Variants in ZFPM2 observed in about 807,000 individuals in gnomAD.
ZFPM2 encodes zinc finger protein, FOG family member 2, also known as zinc finger protein ZFPM2.
In ZFPM2, 20 loss-of-function variants were observed where a neutral mutation model predicts 98.6. That is an observed-to-expected ratio of 0.20 (90% CI 0.14 to 0.29). The LOEUF is 0.29. ZFPM2 is among the 10% of genes least tolerant of loss of function. ZFPM2 has a pLI of 1.00. For synonymous variants in ZFPM2, 518 were observed against 502.7 expected (o/e 1.03, Z -0.41); for missense variants, 1,310 against 1,388.6 (o/e 0.94, Z 0.90).
At chr8:105,741,599 T>A (rs1418913222) in intron 5 of ZFPM2, among the ~76,000 whole-genome samples, 1 of 152,002 alleles carries the variant, frequency 6.6e-6, no homozygotes, top group Non-Finnish European at 1.5e-5. Context: ...TGTGTTGATG[T>A]GGGAGTGGAA....
intron 4 of ZFPM2, among the ~76,000 whole-genome samples, chr8:105,611,400 T>C (rs1816304772): frequency 6.6e-6 from 1 of 152,204 alleles, no homozygotes; most frequent in Non-Finnish European, 1.5e-5. Flanking sequence ...TACTCAGAAC[T>C]GATCCACTAA....
At chr8:105,620,316 T>G (rs1816511968) in intron 4 of ZFPM2, among the ~76,000 whole-genome samples, 1 of 152,236 alleles carries the variant, frequency 6.6e-6, no homozygotes, top group Admixed American at 6.5e-5. Context: ...GTCTGTTGGC[T>G]GCATAAATGC....
At chr8:105,466,473 A>C (rs1002264799) in intron 3 of ZFPM2, among the ~76,000 whole-genome samples, 2 of 152,038 alleles carry the variant, frequency 1.3e-5, no homozygotes, top group African/African-American at 4.8e-5. Context: ...TGATATTCTA[A>C]AGCTGGTCTT....
intron 5 of ZFPM2, among the ~76,000 whole-genome samples, chr8:105,687,245 A>G (rs1236256447): frequency 2.0e-5 from 3 of 152,198 alleles, no homozygotes; most frequent in Non-Finnish European, 4.4e-5. Flanking sequence ...TCCCCAATGC[A>G]TAAGAAATAT....
intron 4 of ZFPM2, among the ~76,000 whole-genome samples, chr8:105,606,286 C>A (rs1397553055): frequency 6.6e-6 from 1 of 152,022 alleles, no homozygotes; most frequent in South Asian, 2.1e-4. Context: ...TCAGGTAACA[C>A]TTTTTTTCTA....
At chr8:105,389,545 C>G (rs1811068678) in intron 1 of ZFPM2, among the ~76,000 whole-genome samples, 1 of 152,116 alleles carries the variant, frequency 6.6e-6, no homozygotes, top group African/African-American at 2.4e-5. Context: ...AAATAACATT[C>G]TACTACATTG....
At chr8:105,378,900 G>C (rs972869094) in intron 1 of ZFPM2, among the ~76,000 whole-genome samples, 5 of 152,026 alleles carry the variant, frequency 3.3e-5, no homozygotes, top group Non-Finnish European at 5.9e-5. Context: ...AGATAGATAG[G>C]TCAGTCAATC....
At chr8:105,672,635 ATTG>A (rs1170432189) in intron 5 of ZFPM2, among the ~76,000 whole-genome samples, 12 of 152,220 alleles carry the variant, frequency 7.9e-5, no homozygotes, top group Middle Eastern at 3.4e-3. Context: ...CTTTACAATT[ATTG>A]TTGTTGTTTC....
At chr8:105,325,816 G>A (rs776497042) in intron 1 of ZFPM2, among the ~76,000 whole-genome samples, 1 of 151,774 alleles carries the variant, frequency 6.6e-6, no homozygotes, top group Non-Finnish European at 1.5e-5. Flanking sequence ...GAATTGTCTA[G>A]TCAGGATTAT....
chr8:105,361,934 T>C (rs2129765831), intron 1 of ZFPM2, among the ~76,000 whole-genome samples: 1 of 152,240 alleles, frequency 6.6e-6, no homozygotes, highest in Admixed American at 6.5e-5. Flanking sequence ...GTTTTTAGCC[T>C]AAGAACAACA....
chr8:105,625,539 A>G (rs1816635606), intron 4 of ZFPM2, among the ~76,000 whole-genome samples: 1 of 151,972 alleles, frequency 6.6e-6, no homozygotes, highest in Non-Finnish European at 1.5e-5. Context: ...GGTACTTAAC[A>G]TTAACTGGTC....
rs1233779517 is a variant in ZFPM2, at chr8:105,801,691, C to T, written c.1609C>T (p.Pro537Ser). 1 of 1,613,810 alleles carries T rather than the reference C, an allele frequency of 6.2e-7. No homozygotes were observed. Among genetic ancestry groups the T allele is most frequent in the South Asian group, 1.1e-5 (1 of 91,074 alleles). The change falls in exon 8 of 8, where the codon CCC becomes TCC. Residue 537 changes from proline to serine, a missense_variant. Coordinates refer to ENST00000407775, the MANE Select transcript of ZFPM2 (RefSeq NM_012082.4). The stretch of plus-strand genomic sequence containing the variant: ...GAGGCATGGCAGTAGTAGCTACCCT[C>T]CCGTCATTTACAGCCCTTTGATGCC... ...RLRHGSSSYP[P>S]VIYSPLMPKG...
chr8:105,515,226 GTTTTAGTAAATTCAGA>G (rs1237352460), intron 3 of ZFPM2, among the ~76,000 whole-genome samples: 4 of 152,210 alleles, frequency 2.6e-5, no homozygotes, highest in African/African-American at 9.7e-5. Context: ...TTAAGATAAA[GTTTTAGTAAATTCAGA>G]TTTTTCTCAT....
chr8:105,545,433 CCTAT>C (rs1398904613), intron 3 of ZFPM2, among the ~76,000 whole-genome samples: 1 of 152,026 alleles, frequency 6.6e-6, no homozygotes, highest in Non-Finnish European at 1.5e-5. Flanking sequence ...CACATTGCCA[CCTAT>C]CTAACTGCAG....
intron 5 of ZFPM2, among the ~76,000 whole-genome samples, chr8:105,679,258 AT>A (rs1331310982): frequency 6.6e-6 from 1 of 152,200 alleles, no homozygotes; most frequent in African/African-American, 2.4e-5. Context: ...ATTGGGCAAC[AT>A]TAGTTTCCTA....
chr8:105,398,640 C>T (rs1447771078), intron 1 of ZFPM2, among the ~76,000 whole-genome samples: 1 of 152,098 alleles, frequency 6.6e-6, no homozygotes, highest in South Asian at 2.1e-4. Flanking sequence ...GCACAGTTCA[C>T]ACTAGGGTTC....
At chr8:105,369,401 A>AT (rs540854213) in intron 1 of ZFPM2, among the ~76,000 whole-genome samples, 2 of 151,848 alleles carry the variant, frequency 1.3e-5, no homozygotes, top group Middle Eastern at 3.4e-3. Context: ...GAGGCTAAAA[A>AT]TTTTTTTTTA....
intron 3 of ZFPM2, among the ~76,000 whole-genome samples, chr8:105,513,117 T>C (rs1358567998): frequency 5.3e-5 from 8 of 152,174 alleles, no homozygotes; most frequent in Admixed American, 2.0e-4. Flanking sequence ...TGTTGTGGAA[T>C]GGTGGGCCCA....
chr8:105,539,393 A>ATCTATG (rs1814527947), intron 3 of ZFPM2, among the ~76,000 whole-genome samples: 3 of 152,192 alleles, frequency 2.0e-5, no homozygotes, highest in Non-Finnish European at 4.4e-5. Context: ...GGTCCATCTA[A>ATCTATG]TCTATGGTAA....
Sources: gnomAD v4.1 joint callset for allele counts (sites outside exome capture counted in the v4.1 genomes callset) on GRCh38, gnomAD v4.1.1 for gene constraint, MANE v1.5 for transcripts, NCBI Gene and HGNC (gene_info 2026-07-23, HGNC 2026-07-21) for gene names.